SPMIP2: variants seen among roughly 807,000 people sequenced by gnomAD.
The protein encoded by SPMIP2 is sperm microtubule inner protein 2.
chr4:158,982,354 C>T, the SPMIP2 span, among the ~76,000 whole-genome samples: 2 of 152,152 alleles, frequency 1.3e-5, no homozygotes, highest in South Asian at 2.1e-4. Flanking sequence ...GACTTGAACT[C>T]GGCTCTGGAC....
chr4:158,974,671 G>GTATA, the SPMIP2 span, among the ~76,000 whole-genome samples: 1 of 152,162 alleles, frequency 6.6e-6, no homozygotes, highest in Non-Finnish European at 1.5e-5. Context: ...TTATTGCATG[G>GTATA]TATATATGTG....
At chr4:158,893,297 G>A in the SPMIP2 span, 1 of 165,082 alleles carries the variant, frequency 6.1e-6, no homozygotes, top group African/African-American at 2.4e-5. Context: ...TCAAATCCAA[G>A]TTCTGCTACT....
At chr4:159,013,923 T>C in the SPMIP2 span, among the ~76,000 whole-genome samples, 1 of 152,000 alleles carries the variant, frequency 6.6e-6, no homozygotes, top group South Asian at 2.1e-4. Context: ...AGTAGAGTAG[T>C]GGTTGCCAGA....
At chr4:158,974,933 A>C in the SPMIP2 span, among the ~76,000 whole-genome samples, 1 of 152,182 alleles carries the variant, frequency 6.6e-6, no homozygotes, top group Non-Finnish European at 1.5e-5. Flanking sequence ...CAACAGTATA[A>C]AAGCATTCCT....
the SPMIP2 span, among the ~76,000 whole-genome samples, chr4:159,067,278 AT>A: frequency 2.6e-5 from 4 of 151,968 alleles, no homozygotes; most frequent in African/African-American, 9.7e-5. Flanking sequence ...AGAACTTTTG[AT>A]TTTTTTTGAG....
At chr4:159,008,371 G>A in the SPMIP2 span, among the ~76,000 whole-genome samples, 1 of 152,148 alleles carries the variant, frequency 6.6e-6, no homozygotes, top group East Asian at 1.9e-4. Flanking sequence ...TCAGGGGTTC[G>A]AGACCAGCCT....
At chr4:159,063,518 C>G in the SPMIP2 span, among the ~76,000 whole-genome samples, 2 of 151,354 alleles carry the variant, frequency 1.3e-5, no homozygotes, top group South Asian at 4.2e-4. Context: ...CCACTGCACT[C>G]CAGACTGGGC....
chr4:158,945,114 A>G, the SPMIP2 span, among the ~76,000 whole-genome samples: 4 of 152,070 alleles, frequency 2.6e-5, no homozygotes, highest in African/African-American at 7.2e-5. Context: ...ACGCTATGAC[A>G]CTCATTTGCA....
At chr4:158,997,636 T>C in the SPMIP2 span, among the ~76,000 whole-genome samples, 1 of 152,148 alleles carries the variant, frequency 6.6e-6, no homozygotes, top group African/African-American at 2.4e-5. Flanking sequence ...TATTCCTCCA[T>C]ATTCAAGCTC....
At chr4:159,069,051 C>T in the SPMIP2 span, among the ~76,000 whole-genome samples, 1 of 152,096 alleles carries the variant, frequency 6.6e-6, no homozygotes, top group Non-Finnish European at 1.5e-5. Flanking sequence ...ACCTATAATC[C>T]CAGCACTTTG....
the SPMIP2 span, among the ~76,000 whole-genome samples, chr4:159,077,171 G>A: frequency 6.7e-6 from 1 of 149,762 alleles, no homozygotes; most frequent in Admixed American, 6.7e-5. Context: ...ACAGAGTTTC[G>A]CTCTTGTTGC....
the SPMIP2 span, among the ~76,000 whole-genome samples, chr4:158,950,754 GT>G: frequency 3.9e-5 from 6 of 152,204 alleles, no homozygotes; most frequent in Middle Eastern, 3.4e-3. Flanking sequence ...AAATTAGCCG[GT>G]CGTGGTGGCA....
chr4:159,020,543 C>T, the SPMIP2 span, among the ~76,000 whole-genome samples: 1 of 152,108 alleles, frequency 6.6e-6, no homozygotes, highest in Admixed American at 6.6e-5. Flanking sequence ...GACCTTCTGC[C>T]CCTGGGCCGG....
chr4:158,952,095 C>A, the SPMIP2 span, among the ~76,000 whole-genome samples: 14 of 152,258 alleles, frequency 9.2e-5, 1 homozygote, highest in Admixed American at 4.6e-4. Flanking sequence ...TTAGGTATTT[C>A]ATGTTTGCTG....
the SPMIP2 span, among the ~76,000 whole-genome samples, chr4:159,054,719 G>A: frequency 6.6e-6 from 1 of 152,126 alleles, no homozygotes; most frequent in East Asian, 1.9e-4. Flanking sequence ...TGAGGACAGT[G>A]GCCATCCCCT....
At chr4:158,917,920 T>C in the SPMIP2 span, among the ~76,000 whole-genome samples, 63 of 151,990 alleles carry the variant, frequency 4.1e-4, no homozygotes, top group Non-Finnish European at 8.4e-4. Context: ...GGTTTCACCA[T>C]GTTACCCAGG....
chr4:159,037,530 G>C, the SPMIP2 span, among the ~76,000 whole-genome samples: 1 of 150,906 alleles, frequency 6.6e-6, no homozygotes, highest in Non-Finnish European at 1.5e-5. Flanking sequence ...TGTAATCCCA[G>C]CACTTTGGGA....
the SPMIP2 span, among the ~76,000 whole-genome samples, chr4:158,902,717 CA>C: frequency 3.9e-5 from 6 of 152,250 alleles, no homozygotes; most frequent in South Asian, 6.2e-4. Context: ...AGTCTGGCCC[CA>C]GTGGCCTTGC....
the SPMIP2 span, among the ~76,000 whole-genome samples, chr4:158,991,193 C>T: frequency 6.7e-6 from 1 of 150,302 alleles, no homozygotes; most frequent in South Asian, 2.1e-4. Context: ...AGTTCAAAGC[C>T]CCAGAACCAA....
Sources: gnomAD v4.1 joint callset for allele counts (sites outside exome capture counted in the v4.1 genomes callset) on GRCh38, gnomAD v4.1.1 for gene constraint, MANE v1.5 for transcripts, NCBI Gene and HGNC (gene_info 2026-07-23, HGNC 2026-07-21) for gene names.